The following INPP4A variants were observed in gnomAD, a reference collection of about 807,000 sequenced individuals.
INPP4A encodes the protein inositol polyphosphate-4-phosphatase, type I, 107kD.
Under a neutral mutation model 119.8 loss-of-function variants are expected in INPP4A, and 33 were observed. The ratio of observed to expected loss-of-function variants is 0.28; its 90% CI spans 0.21 to 0.37. The LOEUF (loss-of-function observed/expected upper bound fraction) is 0.37. Among genes scored for constraint, INPP4A ranks in the 10% least tolerant of loss-of-function variants. INPP4A has a pLI of 1.00. For missense variants in INPP4A, 956 were observed against 1,289.9 expected, an observed-to-expected ratio of 0.74 and a Z score of 3.97; for synonymous variants, 496 against 500.7, an observed-to-expected ratio of 0.99 and a Z score of 0.12.
chr2:98,582,977 G>A (rs1699541440), intron 24 of INPP4A, among the ~76,000 whole-genome samples: 1 of 149,674 alleles, frequency 6.7e-6, no homozygotes, highest in African/African-American at 2.5e-5. Context: ...ATCACCTGCT[G>A]CACACACCAG....
At chr2:98,543,066 CCCA>C (rs1691796984) in intron 10 of INPP4A, among the ~76,000 whole-genome samples, 1 of 152,022 alleles carries the variant, frequency 6.6e-6, no homozygotes, top group South Asian at 2.1e-4. Flanking sequence ...ACTACAGGCG[CCCA>C]CCACCACGCC....
intron 1 of INPP4A, among the ~76,000 whole-genome samples, chr2:98,451,183 T>C (rs563786459): frequency 3.9e-5 from 6 of 152,336 alleles, no homozygotes; most frequent in African/African-American, 1.4e-4. Context: ...CCTATCAGGC[T>C]GTCAGGCCCA....
chr2:98,575,796 C>G (rs1014363950), intron 23 of INPP4A, among the ~76,000 whole-genome samples: 2 of 152,188 alleles, frequency 1.3e-5, no homozygotes, highest in African/African-American at 4.8e-5. Context: ...CCGGAGCCCA[C>G]CATCATATCA....
rs1002727493 is a variant in INPP4A, at chr2:98,569,266, C to T, written c.2518+598C>T. 1.2e-4 allele frequency: 19 copies of T among 152,716 alleles called. No homozygotes were observed. The highest frequency in any genetic ancestry group is 3.8e-4 in the African/African-American group (16 of 41,564). The allele number at this position is 152,716 out of a possible 1,614,324, so 9.5% of individuals were successfully genotyped here. The stretch of plus-strand genomic sequence containing the variant: ...TCTTGAGTTCAACCCAGTGAATATT[C>T]CCTGAGGACCTGCTGTGTGTAAAGT... On this transcript the variant is annotated intron_variant, in intron 22 of 24. Coordinates refer to ENST00000409851, the MANE Select transcript of INPP4A (RefSeq NM_001134225.2). This position sits in a 1 kb window ranked among gnomAD's most constrained non-coding sequence, Gnocchi z 5.1.
At chr2:98,514,015 C>T (rs1685627118) in intron 1 of INPP4A, among the ~76,000 whole-genome samples, 1 of 152,222 alleles carries the variant, frequency 6.6e-6, no homozygotes, top group South Asian at 2.1e-4. Flanking sequence ...TGGGTAGATT[C>T]AGTTTCCATC....
chr2:98,496,469 G>A (rs1178710939), intron 1 of INPP4A, among the ~76,000 whole-genome samples: 1 of 152,114 alleles, frequency 6.6e-6, no homozygotes, highest in African/African-American at 2.4e-5. Flanking sequence ...TACGGGCAAG[G>A]CTTTTTGAAT....
intron 1 of INPP4A, among the ~76,000 whole-genome samples, chr2:98,456,168 G>A (rs965220153): frequency 6.6e-6 from 1 of 152,004 alleles, no homozygotes; most frequent in Non-Finnish European, 1.5e-5. Context: ...AGCCATTCCT[G>A]ACTTGTTTCA....
intron 1 of INPP4A, among the ~76,000 whole-genome samples, chr2:98,512,680 A>C (rs549699962): frequency 2.8e-4 from 42 of 152,290 alleles, no homozygotes; most frequent in African/African-American, 8.9e-4. Flanking sequence ...CTCGTGTCCT[A>C]ATCACCTCTT....
intron 24 of INPP4A, among the ~76,000 whole-genome samples, chr2:98,583,308 A>C (rs1456435342): frequency 1.4e-5 from 2 of 147,980 alleles, no homozygotes; most frequent in African/African-American, 5.0e-5. Context: ...TAATGAAAAA[A>C]AATCAAAGAA....
At chr2:98,547,124 G>C (rs924240113) in intron 13 of INPP4A, among the ~76,000 whole-genome samples, 3 of 152,224 alleles carry the variant, frequency 2.0e-5, no homozygotes, top group African/African-American at 7.2e-5. Flanking sequence ...CTACTGTCCT[G>C]AGCAGGAAAT....
At position 98,588,578 on chromosome 2, in the gene INPP4A, T is replaced by C. The variant is rs183218242; in HGVS notation, c.*970T>C. ...GTTTGAATGTCTGATGAAAGTGTCT[T>C]ATTTTTAGGTTTGCAATAATTGTTA... On this transcript the variant is annotated 3_prime_UTR_variant, in exon 25 of 25. Coordinates refer to ENST00000409851, the MANE Select transcript of INPP4A (RefSeq NM_001134225.2). 350 of 222,788 alleles carry C rather than the reference T, an allele frequency of 1.6e-3. No individual in the cohort carries two copies. Among genetic ancestry groups the C allele is most frequent in the Non-Finnish European group, 2.6e-3 (292 of 111,644 alleles). 13.8% of individuals were successfully genotyped at this position (222,788 alleles called of 1,614,324 possible).
At chr2:98,575,941 T>C (rs772183906) in intron 23 of INPP4A, among the ~76,000 whole-genome samples, 27 of 152,228 alleles carry the variant, frequency 1.8e-4, no homozygotes, top group African/African-American at 6.3e-4. Context: ...GAAAGTACTG[T>C]GGTACACAGT....
At chr2:98,451,480 C>G (rs893077005) in intron 1 of INPP4A, among the ~76,000 whole-genome samples, 7 of 152,068 alleles carry the variant, frequency 4.6e-5, no homozygotes, top group African/African-American at 1.7e-4. Flanking sequence ...GCTGCCAGCT[C>G]CGGTCCTGGG....
chr2:98,549,601 G>T (rs551597496), intron 13 of INPP4A, among the ~76,000 whole-genome samples: 1 of 152,254 alleles, frequency 6.6e-6, no homozygotes, highest in South Asian at 2.1e-4. Context: ...CTCTGCAGTG[G>T]TGCTTCATTC....
Position 98,592,163 on chromosome 2 carries a change from CTCT to C in INPP4A, c.*4563_*4565del, listed in dbSNP as rs776703189. The C allele has an allele frequency of 2.3e-4, 35 of 152,418 alleles. No homozygotes were observed. Among genetic ancestry groups the C allele is most frequent in the African/African-American group, 7.2e-4 (30 of 41,568 alleles). The allele number at this position is 152,418 out of a possible 1,614,324, so 9.4% of individuals were successfully genotyped here. A position where few individuals can be genotyped will look rare whatever the true frequency, so the allele number is the denominator to read the frequency against. On this transcript the variant is annotated 3_prime_UTR_variant, in exon 25 of 25. Coordinates refer to ENST00000409851, the MANE Select transcript of INPP4A (RefSeq NM_001134225.2). ...CTCTGCATTTGGAGATGGACAAACT[CTCT>C]TCTTCTTATCACTTTCTCCCCAAAA...
chr2:98,454,835 C>T (rs1359813639), intron 1 of INPP4A, among the ~76,000 whole-genome samples: 1 of 152,050 alleles, frequency 6.6e-6, no homozygotes, highest in East Asian at 1.9e-4. Context: ...CCAACTGAGC[C>T]TTTTACTGAC....
chr2:98,533,801 G>C (rs1689693745), intron 5 of INPP4A, among the ~76,000 whole-genome samples: 1 of 152,132 alleles, frequency 6.6e-6, no homozygotes, highest in African/African-American at 2.4e-5. Flanking sequence ...CCTCCAATTG[G>C]CTGCTACTTT....
chr2:98,549,262 G>C (rs1327539687), intron 13 of INPP4A, among the ~76,000 whole-genome samples: 1 of 152,140 alleles, frequency 6.6e-6, no homozygotes, highest in Non-Finnish European at 1.5e-5. Context: ...CCCGACCCAG[G>C]AAGCCCCTGG....
rs772972394 is a variant in INPP4A, at chr2:98,539,551, A to C, written c.694A>C (p.Met232Leu). The C allele has an allele frequency of 6.2e-7, 1 of 1,611,368 alleles. No homozygotes were observed. The highest frequency in any genetic ancestry group is 2.2e-5 in the East Asian group (1 of 44,640). The part of the protein sequence containing the change: ...KSVFGGAICR[M>L]YRFPTTDGNH... ...AGTGTTCGGTGGTGCCATCTGCCGCATGTACCGGTTTCCAACCACTGATGG... is the reference window on the plus strand; with the variant it reads ...AGTGTTCGGTGGTGCCATCTGCCGCCTGTACCGGTTTCCAACCACTGATGG... Residue 232 changes from methionine (M) to leucine (L), a missense_variant, in exon 10 of 25, where the codon ATG becomes CTG. Around this residue, in one of 2 missense-constraint regions of INPP4A, gnomAD observed 652 missense variants for 797.9 expected, o/e 0.82. Transcript: ENST00000409851.
Sources: allele counts gnomAD v4.1 joint callset (sites outside exome capture counted in the v4.1 genomes callset), GRCh38; gene constraint gnomAD v4.1.1; regional missense constraint gnomAD v4.1.1; non-coding constraint Gnocchi (gnomAD v3.1); transcripts MANE v1.5; gene names NCBI Gene and HGNC (gene_info 2026-07-23, HGNC 2026-07-21).